PABPC4L: variants seen among roughly 807,000 people sequenced by gnomAD.
The protein encoded by PABPC4L is polyadenylate-binding protein 4-like.
For missense variants in PABPC4L, 452 were observed against 451.4 expected, an observed-to-expected ratio of 1.00 and a Z score of -0.01; for synonymous variants, 169 against 164.1, an observed-to-expected ratio of 1.03 and a Z score of -0.23.
the PABPC4L span, among the ~76,000 whole-genome samples, chr4:134,070,058 T>C: frequency 1.3e-5 from 2 of 148,614 alleles, no homozygotes; most frequent in South Asian, 2.1e-4. Flanking sequence ...ATAAGATGGA[T>C]TTATGCTACA....
At chr4:134,163,107 A>G in the PABPC4L span, among the ~76,000 whole-genome samples, 2 of 152,298 alleles carry the variant, frequency 1.3e-5, no homozygotes, top group African/African-American at 4.8e-5. Flanking sequence ...TTGATAGACC[A>G]TTAGCTATAG....
the PABPC4L span, among the ~76,000 whole-genome samples, chr4:134,119,206 G>GT: frequency 6.6e-6 from 1 of 151,574 alleles, no homozygotes; most frequent in Non-Finnish European, 1.5e-5. Context: ...AAATTTTATA[G>GT]TACCAATCTC....
chr4:133,958,133 C>A, the PABPC4L span, among the ~76,000 whole-genome samples: 4 of 152,300 alleles, frequency 2.6e-5, no homozygotes, highest in South Asian at 2.1e-4. Flanking sequence ...CAACAGGCTG[C>A]AGATTTTCCA....
the PABPC4L span, among the ~76,000 whole-genome samples, chr4:134,184,152 A>G: frequency 6.6e-6 from 1 of 151,944 alleles, no homozygotes; most frequent in East Asian, 1.9e-4. Context: ...AGACTAATGG[A>G]ACAGAAACCA....
chr4:134,003,426 C>T, the PABPC4L span, among the ~76,000 whole-genome samples: 5 of 151,894 alleles, frequency 3.3e-5, no homozygotes, highest in East Asian at 9.7e-4. Flanking sequence ...TGAATATAAG[C>T]TCTCCAAAGG....
At chr4:134,012,923 G>A in the PABPC4L span, among the ~76,000 whole-genome samples, 17 of 152,084 alleles carry the variant, frequency 1.1e-4, no homozygotes, top group African/African-American at 1.9e-4. Context: ...CGTTTTACCC[G>A]TGGACCCAAA....
the PABPC4L span, among the ~76,000 whole-genome samples, chr4:134,151,185 C>T: frequency 6.6e-6 from 1 of 151,942 alleles, no homozygotes; most frequent in Non-Finnish European, 1.5e-5. Context: ...GCAGGCAATC[C>T]CTTGTTCTTG....
chr4:134,178,001 C>A, the PABPC4L span, among the ~76,000 whole-genome samples: 1 of 152,162 alleles, frequency 6.6e-6, no homozygotes, highest in Middle Eastern at 3.4e-3. Flanking sequence ...GCCTAGACAG[C>A]AAGGCAGGCA....
chr4:134,085,931 T>A, the PABPC4L span, among the ~76,000 whole-genome samples: 1 of 152,280 alleles, frequency 6.6e-6, no homozygotes, highest in South Asian at 2.1e-4. Flanking sequence ...ACGGAATTTC[T>A]GTGTCATAGG....
chr4:133,962,689 G>T, the PABPC4L span, among the ~76,000 whole-genome samples: 3 of 152,260 alleles, frequency 2.0e-5, no homozygotes, highest in Non-Finnish European at 4.4e-5. Context: ...AGGGATTGGG[G>T]TCCTATCTTT....
chr4:134,200,859 GCATAGCCCA>G lies in PABPC4L; in HGVS notation c.152_160del (p.Leu51_Ala54delinsPro). 2 of 1,572,498 alleles carry G rather than the reference GCATAGCCCA, an allele frequency of 1.3e-6. No individual in the cohort carries two copies. The highest frequency in any genetic ancestry group is 1.9e-5 in the Admixed American group (1 of 53,508). On this transcript the variant is annotated inframe_deletion, in exon 2 of 2. Transcript: ENST00000421491. ...AGCCAGCTGCAAGAAGTTCACGTAG[GCATAGCCCA>G]GAGAGCGGCGGGTGACCTGGTCCCT...
the PABPC4L span, among the ~76,000 whole-genome samples, chr4:134,180,494 A>C: frequency 2.6e-5 from 4 of 151,910 alleles, no homozygotes; most frequent in African/African-American, 9.7e-5. Context: ...GAGCAAACCA[A>C]CTCCAAGACT....
At chr4:134,023,314 T>C in the PABPC4L span, among the ~76,000 whole-genome samples, 1 of 152,188 alleles carries the variant, frequency 6.6e-6, no homozygotes, top group African/African-American at 2.4e-5. Context: ...GTTATAAGCC[T>C]GTAATATAAT....
At chr4:134,125,191 C>T in the PABPC4L span, among the ~76,000 whole-genome samples, 1 of 152,026 alleles carries the variant, frequency 6.6e-6, no homozygotes, top group South Asian at 2.1e-4. Context: ...AGAAAAAACA[C>T]ACCCTGATGG....
At chr4:134,140,575 A>G in the PABPC4L span, among the ~76,000 whole-genome samples, 1 of 151,798 alleles carries the variant, frequency 6.6e-6, no homozygotes, top group Admixed American at 6.6e-5. Context: ...TGTAATGTAT[A>G]ATAAGGTAGG....
the PABPC4L span, among the ~76,000 whole-genome samples, chr4:134,030,250 C>T: frequency 4.8e-3 from 737 of 152,044 alleles, 8 homozygotes; most frequent in African/African-American, 0.017. Flanking sequence ...CAGGCAGAGG[C>T]TGGAACAGTT....
chr4:134,066,190 G>A, the PABPC4L span, among the ~76,000 whole-genome samples: 1 of 151,754 alleles, frequency 6.6e-6, no homozygotes, highest in Non-Finnish European at 1.5e-5. Flanking sequence ...AAATAGCTTT[G>A]AGAGTTTTGT....
the PABPC4L span, among the ~76,000 whole-genome samples, chr4:134,157,823 T>C: frequency 1.3e-5 from 2 of 151,876 alleles, no homozygotes; most frequent in South Asian, 4.1e-4. Context: ...TTTTATTCAA[T>C]AAAACAATTT....
the PABPC4L span, among the ~76,000 whole-genome samples, chr4:134,045,322 T>G: frequency 6.6e-6 from 1 of 152,158 alleles, no homozygotes; most frequent in Non-Finnish European, 1.5e-5. Flanking sequence ...ATCATTTTTC[T>G]CCTCTTCAAA....
Sources: allele counts gnomAD v4.1 joint callset (sites outside exome capture counted in the v4.1 genomes callset), GRCh38; gene constraint gnomAD v4.1.1; transcripts MANE v1.5; gene names NCBI Gene and HGNC (gene_info 2026-07-23, HGNC 2026-07-21).